The following PPARG variants were observed in gnomAD, a reference collection of about 807,000 sequenced individuals.
The protein encoded by PPARG is peroxisome proliferator-activated receptor gamma.
A neutral mutation model predicts 39.2 loss-of-function variants in PPARG; 17 were observed. The observed-to-expected ratio is 0.43, with a 90% CI of 0.30 to 0.65. PPARG has a LOEUF of 0.65. Among genes scored for constraint, PPARG ranks in the 30% least tolerant of loss-of-function variants. PPARG has a pLI of 0.13. For synonymous variants in PPARG, 223 were observed against 215.7 expected (o/e 1.03, Z -0.30); for missense variants, 406 against 585.9 (o/e 0.69, Z 3.17).
At chr3:12,315,086 G>T (rs1199127040) in intron 2 of PPARG, among the ~76,000 whole-genome samples, 2 of 152,084 alleles carry the variant, frequency 1.3e-5, no homozygotes, top group Non-Finnish European at 2.9e-5. Context: ...CTGTAGTTTT[G>T]TGTCTGGTAA....
chr3:12,365,759 A>G (rs902631189), intron 2 of PPARG, among the ~76,000 whole-genome samples: 2 of 151,866 alleles, frequency 1.3e-5, no homozygotes, highest in South Asian at 2.1e-4. Context: ...CCTTTGATCT[A>G]TTTGTCTATT....
At chr3:12,418,693 T>C (rs1383108670) in intron 7 of PPARG, among the ~76,000 whole-genome samples, 1 of 151,864 alleles carries the variant, frequency 6.6e-6, no homozygotes, top group African/African-American at 2.4e-5. Flanking sequence ...CACTGAGAGG[T>C]TTTCTCATTT....
Position 12,328,895 on chromosome 3 carries a change from T to A in PPARG, c.-9+16442T>A, listed in dbSNP as rs572970028. Among the ~76,000 whole-genome samples, 3 of 152,246 alleles carry A rather than the reference T, an allele frequency of 2.0e-5. No homozygotes were observed. In the South Asian group the frequency reaches 6.2e-4, roughly 32 times the overall value. ...TGCCTAAAGATTCCTTTCCCTGCCTTCTCCCATACATTCCAAAAGGAAGTT... is the reference window on the plus strand; with the variant it reads ...TGCCTAAAGATTCCTTTCCCTGCCTACTCCCATACATTCCAAAAGGAAGTT... On this transcript the variant is annotated intron_variant, in intron 2 of 7. Transcript: ENST00000651735.
At chr3:12,306,636 C>G (rs945817883) in intron 1 of PPARG, among the ~76,000 whole-genome samples, 3 of 152,210 alleles carry the variant, frequency 2.0e-5, no homozygotes, top group Non-Finnish European at 4.4e-5. Context: ...TAACCATATT[C>G]ACATGTAACA....
chr3:12,411,736 A>G (rs568112342), intron 6 of PPARG, among the ~76,000 whole-genome samples: 2 of 152,310 alleles, frequency 1.3e-5, no homozygotes, highest in South Asian at 2.1e-4. Flanking sequence ...CTTATGTCCT[A>G]TAAATCTCAT....
intron 1 of PPARG, among the ~76,000 whole-genome samples, chr3:12,309,096 A>G (rs1219226039): frequency 1.3e-5 from 2 of 152,202 alleles, no homozygotes; most frequent in African/African-American, 2.4e-5. Context: ...AATTTATTTT[A>G]TGGTAGAACC....
chr3:12,302,962 C>T (rs142725820), intron 1 of PPARG, among the ~76,000 whole-genome samples: 238 of 152,174 alleles, frequency 1.6e-3, no homozygotes, highest in African/African-American at 5.1e-3. Context: ...AAGTGTGGTC[C>T]GTGGCTTGAT....
chr3:12,388,130 ACAGTTC>A (rs1197340164), intron 4 of PPARG, among the ~76,000 whole-genome samples: 1 of 152,206 alleles, frequency 6.6e-6, no homozygotes, highest in Non-Finnish European at 1.5e-5. Context: ...ATCAATGAGA[ACAGTTC>A]TATACATTAG....
chr3:12,341,185 A>G (rs955712407), intron 2 of PPARG, among the ~76,000 whole-genome samples: 2 of 149,876 alleles, frequency 1.3e-5, no homozygotes, highest in East Asian at 1.9e-4. Context: ...TCCGTCTCAA[A>G]AAAAAAAAAA....
intron 7 of PPARG, among the ~76,000 whole-genome samples, chr3:12,418,783 C>T (rs2051162914): frequency 6.6e-6 from 1 of 152,166 alleles, no homozygotes. Flanking sequence ...CACTCTCTAC[C>T]ATCACATCAT....
chr3:12,419,494 A>G (rs1372960249), intron 7 of PPARG, among the ~76,000 whole-genome samples: 1 of 151,942 alleles, frequency 6.6e-6, no homozygotes, highest in Non-Finnish European at 1.5e-5. Context: ...TTATTTTTTG[A>G]GATGGAGTCT....
At chr3:12,304,607 T>G (rs543666228) in intron 1 of PPARG, among the ~76,000 whole-genome samples, 1 of 152,358 alleles carries the variant, frequency 6.6e-6, no homozygotes, top group South Asian at 2.1e-4. Flanking sequence ...CCAATTTTCA[T>G]TATGTATTAT....
intron 2 of PPARG, among the ~76,000 whole-genome samples, chr3:12,343,005 C>T (rs1010476528): frequency 5.3e-5 from 8 of 152,136 alleles, no homozygotes; most frequent in Admixed American, 2.6e-4. Flanking sequence ...AATTCAGTAT[C>T]TTTACTAAAG....
At chr3:12,395,672 G>GT (rs1251036797) in intron 5 of PPARG, among the ~76,000 whole-genome samples, 2 of 152,156 alleles carry the variant, frequency 1.3e-5, no homozygotes, top group Non-Finnish European at 2.9e-5. Context: ...TCAGAAATAT[G>GT]TTTTTTCCTG....
intron 1 of PPARG, among the ~76,000 whole-genome samples, chr3:12,296,254 C>CAAAAAAAAAAA (rs545210244): frequency 9.0e-4 from 44 of 48,622 alleles, no homozygotes; most frequent in Middle Eastern, 0.011. Context: ...CACTTTGTCT[C>CAAAAAAAAAAA]AAAAAAAAAA....
intron 4 of PPARG, among the ~76,000 whole-genome samples, chr3:12,388,283 G>A (rs2049952944): frequency 6.6e-6 from 1 of 152,138 alleles, no homozygotes; most frequent in Admixed American, 6.6e-5. Flanking sequence ...CTCACAAGAG[G>A]TAGTGAAAAC....
At chr3:12,418,792 A>T (rs1483331367) in intron 7 of PPARG, among the ~76,000 whole-genome samples, 2 of 152,198 alleles carry the variant, frequency 1.3e-5, no homozygotes, top group Non-Finnish European at 2.9e-5. Context: ...CCATCACATC[A>T]TGCGGAATAC....
At chr3:12,394,238 T>C (rs1337036873) in intron 5 of PPARG, among the ~76,000 whole-genome samples, 1 of 152,226 alleles carries the variant, frequency 6.6e-6, no homozygotes, top group Non-Finnish European at 1.5e-5. Flanking sequence ...GTTCCGCTTT[T>C]AACACTAATT....
At chr3:12,389,846 G>A (rs1346090301) in intron 4 of PPARG, among the ~76,000 whole-genome samples, 3 of 152,202 alleles carry the variant, frequency 2.0e-5, no homozygotes, top group Non-Finnish European at 2.9e-5. Context: ...GCAGTGAGCC[G>A]AGATAGCACC....
Sources: allele counts gnomAD v4.1 joint callset (sites outside exome capture counted in the v4.1 genomes callset), GRCh38; gene constraint gnomAD v4.1.1; transcripts MANE v1.5; gene names NCBI Gene and HGNC (gene_info 2026-07-23, HGNC 2026-07-21).